Variants in PTPRD observed in about 807,000 individuals in gnomAD.
The protein encoded by PTPRD is protein tyrosine phosphatase receptor type D, also known as receptor-type tyrosine-protein phosphatase delta.
In PTPRD, 34 loss-of-function variants were observed where a neutral mutation model predicts 214.5. The observed-to-expected ratio is 0.16, with a 90% CI of 0.12 to 0.21. PTPRD has a LOEUF of 0.21. Ranked by LOEUF, PTPRD falls within the 10% of genes least tolerant of loss-of-function variation. The pLI, the probability that PTPRD is intolerant of heterozygous loss-of-function variation, is 1.00. For synonymous variants in PTPRD, 1,128 were observed against 845.7 expected (o/e 1.33, Z -5.79); for missense variants, 2,545 against 2,398.7 (o/e 1.06, Z -1.27).
intron 11 of PTPRD, among the ~76,000 whole-genome samples, chr9:8,752,480 T>G (rs985105806): frequency 2.1e-4 from 32 of 152,232 alleles, no homozygotes; most frequent in African/African-American, 7.5e-4. Context: ...CCCTCAGGGC[T>G]GCTCTGTCTA....
intron 4 of PTPRD, among the ~76,000 whole-genome samples, chr9:9,966,177 C>A (rs562230682): frequency 6.6e-6 from 1 of 152,210 alleles, no homozygotes; most frequent in South Asian, 2.1e-4. Flanking sequence ...TATTTGCACA[C>A]CTGGACAGAA....
chr9:9,433,060 A>C (rs974622687), intron 8 of PTPRD, among the ~76,000 whole-genome samples: 1 of 152,134 alleles, frequency 6.6e-6, no homozygotes, highest in Non-Finnish European at 1.5e-5. Flanking sequence ...GTGTGTTAGG[A>C]AGGGCACACA....
chr9:8,528,448 A>G (rs1162184399), intron 15 of PTPRD, 143 bp downstream of exon 15: 3 of 750,062 alleles, frequency 4.0e-6, no homozygotes, highest in Non-Finnish European at 4.5e-6. Context: ...AACATGGACC[A>G]CCCATTAAGT....
intron 11 of PTPRD, among the ~76,000 whole-genome samples, chr9:8,921,357 A>G (rs1383610003): frequency 3.3e-5 from 5 of 152,092 alleles, no homozygotes; most frequent in South Asian, 2.1e-4. Context: ...TGACTATCCA[A>G]TGATTATTGT....
intron 11 of PTPRD, among the ~76,000 whole-genome samples, chr9:8,855,597 G>T (rs957277987): frequency 6.6e-6 from 1 of 152,030 alleles, no homozygotes; most frequent in African/African-American, 2.4e-5. Flanking sequence ...ATATATTACT[G>T]AGGGCTATAA....
chr9:9,506,770 A>G (rs138241714), intron 8 of PTPRD, among the ~76,000 whole-genome samples: 159 of 151,512 alleles, frequency 1.0e-3, no homozygotes, highest in African/African-American at 3.6e-3. Context: ...TCTGACTGAG[A>G]CATCTTCTAC....
chr9:8,323,859 A>T (rs1374962509), intron 44 of PTPRD, among the ~76,000 whole-genome samples: 3 of 152,232 alleles, frequency 2.0e-5, no homozygotes, highest in African/African-American at 7.2e-5. Context: ...TTTTGAAAGA[A>T]GTTCTACTGT....
At chr9:8,587,725 C>G (rs770178563) in intron 14 of PTPRD, among the ~76,000 whole-genome samples, 5 of 152,144 alleles carry the variant, frequency 3.3e-5, no homozygotes, top group Non-Finnish European at 5.9e-5. Flanking sequence ...ATGGTCCTTA[C>G]AGCCAAGTAA....
At chr9:8,428,775 A>G (rs555131483) in intron 35 of PTPRD, among the ~76,000 whole-genome samples, 3 of 152,236 alleles carry the variant, frequency 2.0e-5, no homozygotes, top group African/African-American at 7.2e-5. Context: ...TTATAAACTA[A>G]TAGAAAGCAG....
intron 2 of PTPRD, among the ~76,000 whole-genome samples, chr9:10,448,153 C>G (rs564261522): frequency 6.6e-6 from 1 of 152,016 alleles, no homozygotes; most frequent in Admixed American, 6.5e-5. Flanking sequence ...AGTCTTAAGA[C>G]AGCATTAACT....
intron 12 of PTPRD, among the ~76,000 whole-genome samples, chr9:8,644,248 C>A (rs564431299): frequency 4.0e-5 from 6 of 151,822 alleles, no homozygotes; most frequent in African/African-American, 1.2e-4. Context: ...TCCGGACGAC[C>A]TGCCTAACAG....
intron 4 of PTPRD, among the ~76,000 whole-genome samples, chr9:10,008,409 T>C (rs1018808118): frequency 2.6e-5 from 4 of 151,976 alleles, no homozygotes; most frequent in Admixed American, 2.0e-4. Flanking sequence ...AGTCTGAATA[T>C]AGGAAGCCTG....
chr9:8,500,761 A>G lies in PTPRD; in HGVS notation c.2121T>C (p.Asn707=), dbSNP rs765041793. 5 of 1,613,984 alleles carry G rather than the reference A, an allele frequency of 3.1e-6. No homozygotes were observed. The South Asian group carries it at 3.3e-5, about 11-fold the overall frequency. The change falls in exon 24 of 46, where the codon AAT becomes AAC. Residue 707 remains asparagine, a synonymous_variant. Transcript: ENST00000381196. The part of the protein sequence containing the change: ...PESLSVLIRT[N]EDVPSGPPRK... ...GTAGCGGAGGCAACATACCATCTTC[A>G]TTGGTTCGAATCAACACGGACAAGC...
At chr9:9,193,857 T>C (rs2099936692) in intron 9 of PTPRD, among the ~76,000 whole-genome samples, 1 of 152,086 alleles carries the variant, frequency 6.6e-6, no homozygotes, top group African/African-American at 2.4e-5. Flanking sequence ...CTACACTAAA[T>C]TTATTTTAAA....
At chr9:10,197,920 T>C (rs1224737665) in intron 3 of PTPRD, among the ~76,000 whole-genome samples, 1 of 152,134 alleles carries the variant, frequency 6.6e-6, no homozygotes. Flanking sequence ...CTCAGAATGT[T>C]AATGAAATAT....
chr9:8,776,756 T>A (rs947614515), intron 11 of PTPRD, among the ~76,000 whole-genome samples: 1 of 149,362 alleles, frequency 6.7e-6, no homozygotes, highest in African/African-American at 2.4e-5. Flanking sequence ...ATAGGCTATT[T>A]TTTTTTTGAA....
chr9:10,401,417 A>C (rs1489920381), intron 2 of PTPRD, among the ~76,000 whole-genome samples: 1 of 151,246 alleles, frequency 6.6e-6, no homozygotes, highest in Non-Finnish European at 1.5e-5. Context: ...ATGTCTTTCC[A>C]ATGGGCAGAG....
At chr9:10,089,982 C>CT (rs970108361) in intron 3 of PTPRD, among the ~76,000 whole-genome samples, 4 of 151,638 alleles carry the variant, frequency 2.6e-5, no homozygotes, top group African/African-American at 9.6e-5. Context: ...ATCTATTTTT[C>CT]ATAAGGCAAG....
At chr9:10,291,479 C>T (rs2095526581) in intron 3 of PTPRD, among the ~76,000 whole-genome samples, 1 of 151,988 alleles carries the variant, frequency 6.6e-6, no homozygotes, top group South Asian at 2.1e-4. Context: ...TACATATAAT[C>T]ACAAGTGTTT....
Sources: allele counts gnomAD v4.1 joint callset (sites outside exome capture counted in the v4.1 genomes callset), GRCh38; gene constraint gnomAD v4.1.1; transcripts MANE v1.5; gene names NCBI Gene and HGNC (gene_info 2026-07-23, HGNC 2026-07-21).